DGKG: variants seen among roughly 807,000 people sequenced by gnomAD.
DGKG encodes diacylglycerol kinase gamma.
Under a neutral mutation model 105.3 loss-of-function variants are expected in DGKG, and 78 were observed. That is an observed-to-expected ratio of 0.74 (90% CI 0.62 to 0.89). DGKG has a LOEUF of 0.89. Among genes scored for constraint, DGKG ranks in the 40% least tolerant of loss-of-function variants. DGKG has a pLI of 0.00. For synonymous variants in DGKG, 346 were observed against 367.1 expected (o/e 0.94, Z 0.66); for missense variants, 958 against 1,020.1 (o/e 0.94, Z 0.83).
Position 186,261,747 on chromosome 3 carries a change from G to A in DGKG, c.1301C>T (p.Pro434Leu). 6.2e-7 allele frequency: 1 copy of A among 1,608,938 alleles called. No individual in the cohort carries two copies. Among genetic ancestry groups the A allele is most frequent in the South Asian group, 1.1e-5 (1 of 89,638 alleles). Residue 434 changes from proline (P) to leucine (L), a missense_variant, in exon 15 of 25, where the codon CCC becomes CTC. Transcript: ENST00000265022. ...CTTGGGGTTCACCAAGACCAGCAGGGGGTGGGTACCCGGGGTGGGGATGAT... is the reference window on the plus strand; with the variant it reads ...CTTGGGGTTCACCAAGACCAGCAGGAGGTGGGTACCCGGGGTGGGGATGAT... ...YKIIPTPGTH[P>L]LLVLVNPKSG...
intron 1 of DGKG, among the ~76,000 whole-genome samples, chr3:186,340,094 G>C (rs1418887537): frequency 6.6e-6 from 1 of 152,128 alleles, no homozygotes; most frequent in East Asian, 1.9e-4. Flanking sequence ...CTGACCCCTT[G>C]AGTGTCCTCA....
chr3:186,295,476 T>C (rs995340165), intron 5 of DGKG, among the ~76,000 whole-genome samples: 14 of 150,984 alleles, frequency 9.3e-5, no homozygotes, highest in African/African-American at 2.7e-4. Flanking sequence ...CACTTCAGCC[T>C]GGTGACAGAG....
At chr3:186,299,177 T>C (rs1250341263) in intron 3 of DGKG, among the ~76,000 whole-genome samples, 1 of 152,182 alleles carries the variant, frequency 6.6e-6, no homozygotes, top group African/African-American at 2.4e-5. Flanking sequence ...CTGGAAATCA[T>C]TTGAGGAAGC....
chr3:186,197,912 T>C (rs914509377), intron 21 of DGKG, among the ~76,000 whole-genome samples: 3 of 152,174 alleles, frequency 2.0e-5, no homozygotes, highest in African/African-American at 7.2e-5. Context: ...AAATGAATCT[T>C]CCCCTTCTCT....
intron 20 of DGKG, among the ~76,000 whole-genome samples, chr3:186,223,842 CTGG>C (rs1719719644): frequency 6.6e-6 from 1 of 152,212 alleles, no homozygotes; most frequent in Admixed American, 6.5e-5. Flanking sequence ...CTCACCTGGC[CTGG>C]TGGTGCAGCT....
chr3:186,335,697 C>T (rs967300094), intron 1 of DGKG, among the ~76,000 whole-genome samples: 3 of 152,090 alleles, frequency 2.0e-5, no homozygotes, highest in Non-Finnish European at 4.4e-5. Context: ...ACGCTATATG[C>T]CAATAGCCTT....
Position 186,297,450 on chromosome 3 carries a change from T to G in DGKG, c.344A>C (p.Lys115Thr), listed in dbSNP as rs1374966543. Residue 115 changes from lysine (K) to threonine (T), a missense_variant, in exon 5 of 25, where the codon AAA (lysine) becomes ACA (threonine). Physicochemically the swap from Lys to Thr is moderately conservative, Grantham distance 78. Around this residue, in one of 2 missense-constraint regions of DGKG, gnomAD observed 643 missense variants for 619.5 expected, o/e 1.04. Coordinates refer to ENST00000265022, the MANE Select transcript of DGKG (RefSeq NM_001346.3). ...TNIQNADNAT[K>T]ADEACAPDTE... ...ATCAGGGGCACAGGCCTCGTCTGCT[T>G]TGGTGGCATTATCTGCATTCTGTAT... 2 of 1,612,924 alleles carry G rather than the reference T, an allele frequency of 1.2e-6. No individual in the cohort carries two copies. The highest frequency in any genetic ancestry group is 1.7e-6 in the Non-Finnish European group (2 of 1,178,994).
At chr3:186,295,546 A>C (rs1010880894) in intron 5 of DGKG, among the ~76,000 whole-genome samples, 2 of 147,456 alleles carry the variant, frequency 1.4e-5, no homozygotes, top group Non-Finnish European at 1.5e-5. Context: ...AATAATAATA[A>C]TACTGCATTC....
intron 19 of DGKG, among the ~76,000 whole-genome samples, chr3:186,243,053 G>A (rs554061578): frequency 1.7e-4 from 26 of 151,958 alleles, no homozygotes; most frequent in African/African-American, 5.5e-4. Flanking sequence ...CCTAGGTCCC[G>A]TTCACTCAGC....
At chr3:186,195,630 C>T (rs1449805576) in intron 21 of DGKG, among the ~76,000 whole-genome samples, 4 of 152,208 alleles carry the variant, frequency 2.6e-5, no homozygotes, top group Non-Finnish European at 2.9e-5. Context: ...GGTCTGGGTG[C>T]GGCCCGAGAC....
At chr3:186,190,725 C>T (rs1164683365) in intron 21 of DGKG, among the ~76,000 whole-genome samples, 5 of 152,324 alleles carry the variant, frequency 3.3e-5, no homozygotes, top group East Asian at 1.9e-4. Context: ...TCATCTGGCT[C>T]TCAGCCCGTG....
intron 22 of DGKG, among the ~76,000 whole-genome samples, chr3:186,178,079 C>T (rs904157850): frequency 1.8e-4 from 27 of 152,122 alleles, no homozygotes; most frequent in Non-Finnish European, 2.9e-4. Context: ...AGCATCCATC[C>T]GCAAACCAGG....
chr3:186,319,282 G>A (rs1449399907), intron 2 of DGKG, among the ~76,000 whole-genome samples: 1 of 152,188 alleles, frequency 6.6e-6, no homozygotes, highest in Non-Finnish European at 1.5e-5. Flanking sequence ...AGGGACCGCA[G>A]GGAGAGAACA....
In DGKG at chr3:186,208,230, C is replaced by T. The variant is rs777627843; in HGVS notation, c.1917+3565G>A. Among the ~76,000 whole-genome samples the T allele has an allele frequency of 8.6e-5, 13 of 151,812 alleles. 1 individual carries two copies. Among genetic ancestry groups the T allele is most frequent in the South Asian group, 8.3e-4 (4 of 4,808 alleles). On this transcript the variant is annotated intron_variant, in intron 21 of 24. Transcript: ENST00000265022. ...CTAATTTTTGTATTTTTAGTAGAGA[C>T]GGGGTTCCACCATGTTGGCCAGGCT...
At chr3:186,342,899 G>A (rs751142469) in intron 1 of DGKG, among the ~76,000 whole-genome samples, 1 of 152,034 alleles carries the variant, frequency 6.6e-6, no homozygotes, top group Non-Finnish European at 1.5e-5. Context: ...GTGCCTGCAG[G>A]CTCACCCACA....
At chr3:186,221,016 C>G (rs527381464) in intron 20 of DGKG, among the ~76,000 whole-genome samples, 3 of 152,226 alleles carry the variant, frequency 2.0e-5, no homozygotes, top group African/African-American at 7.2e-5. Context: ...CAAGGACACA[C>G]GTGTGCACGT....
intron 1 of DGKG, among the ~76,000 whole-genome samples, chr3:186,351,860 ATG>A (rs1368566599): frequency 2.6e-5 from 4 of 152,262 alleles, no homozygotes; most frequent in Non-Finnish European, 5.9e-5. Flanking sequence ...TGTAATGCAC[ATG>A]TAGGAGATTT....
At chr3:186,319,087 T>C (rs573895594) in intron 2 of DGKG, among the ~76,000 whole-genome samples, 1 of 152,322 alleles carries the variant, frequency 6.6e-6, no homozygotes, top group African/African-American at 2.4e-5. Context: ...GCTAGCTGAA[T>C]TAAATTGAAT....
chr3:186,342,714 C>T (rs1472938751), intron 1 of DGKG, among the ~76,000 whole-genome samples: 4 of 152,062 alleles, frequency 2.6e-5, no homozygotes, highest in Non-Finnish European at 5.9e-5. Flanking sequence ...GAGGAGAAGG[C>T]TGGCTGTAAT....
Sources: allele counts gnomAD v4.1 joint callset (sites outside exome capture counted in the v4.1 genomes callset), GRCh38; gene constraint gnomAD v4.1.1; regional missense constraint gnomAD v4.1.1; transcripts MANE v1.5; gene names NCBI Gene and HGNC (gene_info 2026-07-23, HGNC 2026-07-21).